MID1: variants seen among roughly 807,000 people sequenced by gnomAD.
MID1 encodes the protein midline 1.
Under a neutral mutation model 40.4 loss-of-function variants are expected in MID1, and 7 were observed. The ratio of observed to expected loss-of-function variants is 0.17; its 90% CI spans 0.10 to 0.33. The LOEUF is 0.33. MID1 is among the 10% of genes least tolerant of loss of function. The probability of loss-of-function intolerance (pLI) is 1.00; values close to 1 mark genes in which losing one functional copy is unlikely to be tolerated. For missense variants in MID1, 367 were observed against 558.5 expected (o/e 0.66, Z 3.46); for synonymous variants, 229 against 221.2 (o/e 1.04, Z -0.31).
intron 4 of MID1, among the ~76,000 whole-genome samples, chrX:10,483,603 G>A (rs180958127): frequency 9.8e-4 from 110 of 112,075 alleles, no homozygotes; most frequent in Non-Finnish European, 1.7e-3. Context: ...GGTTTCAACC[G>A]GCTTTATGAT....
At chrX:10,684,604 T>A (rs1172336404) in intron 1 of MID1, among the ~76,000 whole-genome samples, 1 of 107,127 alleles carries the variant, frequency 9.3e-6, no homozygotes, top group East Asian at 2.9e-4. Flanking sequence ...AGAGATGGGG[T>A]TTCACCATGT....
At chrX:10,559,692 C>T (rs768723613) in intron 2 of MID1, among the ~76,000 whole-genome samples, 8 of 111,203 alleles carry the variant, frequency 7.2e-5, no homozygotes, top group Non-Finnish European at 1.5e-4. Context: ...GGGGTCAGTA[C>T]CTTTGCTTTG....
chrX:10,621,484 G>A (rs111710986), upstream of MID1, among the ~76,000 whole-genome samples: 755 of 112,387 alleles, frequency 6.7e-3, 10 homozygotes, highest in African/African-American at 0.023. Flanking sequence ...TCAAGAAAGT[G>A]CAAGTTGAGC....
chrX:10,531,930 T>C (rs2147386787), intron 2 of MID1, among the ~76,000 whole-genome samples: 1 of 112,397 alleles, frequency 8.9e-6, no homozygotes, highest in East Asian at 2.8e-4. Context: ...CATGAAGCTA[T>C]ATTACTAGAA....
At chrX:10,536,431 T>C (rs1457023279) in intron 2 of MID1, among the ~76,000 whole-genome samples, 2 of 113,099 alleles carry the variant, frequency 1.8e-5, no homozygotes, top group Admixed American at 9.3e-5. Flanking sequence ...CACTGTATTT[T>C]GGAAGTGAAC....
At chrX:10,788,092 G>A (rs1396281782) in intron 1 of MID1, among the ~76,000 whole-genome samples, 1 of 111,908 alleles carries the variant, frequency 8.9e-6, no homozygotes, top group Non-Finnish European at 1.9e-5. Context: ...AAGCTCAGAT[G>A]TCAGCTGTCA....
At chrX:10,762,217 TTTTTC>T (rs1447133669) in intron 1 of MID1, among the ~76,000 whole-genome samples, 4 of 112,178 alleles carry the variant, frequency 3.6e-5, no homozygotes, top group Non-Finnish European at 7.5e-5. Flanking sequence ...TTTGTATTCC[TTTTTC>T]TTTTATTTCT....
intron 1 of MID1, among the ~76,000 whole-genome samples, chrX:10,601,408 G>T (rs1183099998): frequency 8.9e-6 from 1 of 112,307 alleles, no homozygotes; most frequent in African/African-American, 3.2e-5. Flanking sequence ...TTTGTGACTT[G>T]TGAAAATTAT....
At chrX:10,601,908 T>G (rs763375157) in intron 1 of MID1, among the ~76,000 whole-genome samples, 1 of 108,095 alleles carries the variant, frequency 9.3e-6, no homozygotes, top group East Asian at 2.9e-4. Context: ...TTTGTTTTTT[T>G]TTTTTTGAGA....
chrX:10,476,012 A>G (rs1205074079), intron 5 of MID1, among the ~76,000 whole-genome samples: 1 of 111,607 alleles, frequency 9.0e-6, no homozygotes, highest in Non-Finnish European at 1.9e-5. Flanking sequence ...GTATATATCT[A>G]TACAACAGGA....
At chrX:10,592,114 A>G (rs1935316142) in intron 1 of MID1, among the ~76,000 whole-genome samples, 1 of 108,251 alleles carries the variant, frequency 9.2e-6, no homozygotes. Flanking sequence ...CAATAGCACA[A>G]ATGATAATTT....
chrX:10,554,536 A>G (rs1934046618), intron 2 of MID1, among the ~76,000 whole-genome samples: 1 of 112,069 alleles, frequency 8.9e-6, no homozygotes, highest in Admixed American at 9.5e-5. Context: ...TTTATGGGGT[A>G]CATGTGATAT....
At chrX:10,740,395 G>A (rs1163548626) in intron 1 of MID1, among the ~76,000 whole-genome samples, 1 of 112,691 alleles carries the variant, frequency 8.9e-6, no homozygotes, top group Non-Finnish European at 1.9e-5. Context: ...GGGTTCCGAT[G>A]TTGAAGTACC....
chrX:10,501,889 A>G (rs1395381042), intron 3 of MID1, among the ~76,000 whole-genome samples: 2 of 112,234 alleles, frequency 1.8e-5, no homozygotes, highest in African/African-American at 3.2e-5. Flanking sequence ...ATAGTGTTAC[A>G]GTGTTTTGAG....
chrX:10,544,073 G>A (rs1463919246), intron 2 of MID1, among the ~76,000 whole-genome samples: 1 of 111,859 alleles, frequency 8.9e-6, no homozygotes, highest in Non-Finnish European at 1.9e-5. Context: ...AGTGATGCCA[G>A]CGCTGGAACT....
At chrX:10,618,065 C>G (rs1362339834) in intron 1 of MID1, among the ~76,000 whole-genome samples, 1 of 111,351 alleles carries the variant, frequency 9.0e-6, no homozygotes, top group Non-Finnish European at 1.9e-5. Flanking sequence ...TCTAATTCTG[C>G]GGGCAATTTC....
chrX:10,723,022 G>A (rs1358724838), intron 1 of MID1, among the ~76,000 whole-genome samples: 2 of 110,806 alleles, frequency 1.8e-5, no homozygotes, highest in Non-Finnish European at 1.9e-5. Context: ...TACTGGGCCT[G>A]AAGTAATTTT....
chrX:10,688,029 T>C (rs1472266946), intron 1 of MID1, among the ~76,000 whole-genome samples: 3 of 111,572 alleles, frequency 2.7e-5, no homozygotes, highest in African/African-American at 9.8e-5. Flanking sequence ...AATGCCAATA[T>C]ATTTTTTTCT....
intron 2 of MID1, among the ~76,000 whole-genome samples, chrX:10,544,718 G>A (rs564649253): frequency 9.0e-6 from 1 of 111,483 alleles, no homozygotes; most frequent in African/African-American, 3.3e-5. Flanking sequence ...ATACCACAAG[G>A]TTCTCCCAAA....
Sources: gnomAD v4.1 joint callset for allele counts (sites outside exome capture counted in the v4.1 genomes callset) on GRCh38, gnomAD v4.1.1 for gene constraint, MANE v1.5 for transcripts, NCBI Gene and HGNC (gene_info 2026-07-23, HGNC 2026-07-21) for gene names.